MAGI1: variants seen among roughly 807,000 people sequenced by gnomAD.
The protein encoded by MAGI1 is membrane-associated guanylate kinase, WW and PDZ domain-containing protein 1.
A neutral mutation model predicts 139.9 loss-of-function variants in MAGI1; 58 were observed. The observed-to-expected ratio is 0.41, with a 90% CI of 0.34 to 0.52. MAGI1 has a LOEUF of 0.52. Ranked by LOEUF, MAGI1 falls within the 20% of genes least tolerant of loss-of-function variation. The pLI, the probability that MAGI1 is intolerant of heterozygous loss-of-function variation, is 0.12. For synonymous variants in MAGI1, 812 were observed against 737.9 expected (o/e 1.10, Z -1.63); for missense variants, 1,874 against 1,901.6 (o/e 0.99, Z 0.27).
At position 65,972,957 on chromosome 3, in the gene MAGI1, C is replaced by T. The variant is rs551203567; in HGVS notation, c.313+65039G>A. Among the ~76,000 whole-genome samples, 18 of 152,208 alleles carry T rather than the reference C, an allele frequency of 1.2e-4. No homozygotes were observed. In the East Asian group the frequency reaches 3.5e-3, roughly 29 times the overall value. ...CAACCACTTCACTAGTATACTACCT[C>T]CTGGTGGTTACCAACTACACTTTTA... On this transcript the variant is annotated intron_variant, in intron 1 of 22. Transcript: ENST00000402939.
At chr3:65,403,749 G>A (rs1224551266) in intron 12 of MAGI1, among the ~76,000 whole-genome samples, 1 of 152,176 alleles carries the variant, frequency 6.6e-6, no homozygotes, top group Non-Finnish European at 1.5e-5. Context: ...GACTCTGGCT[G>A]ATCTTCAAAT....
chr3:65,437,189 G>C lies in MAGI1; in HGVS notation c.1329C>G (p.Ser443Arg), dbSNP rs374965219. The change falls in exon 10 of 23, where the codon AGC becomes AGG. Residue 443 changes from serine to arginine, a missense_variant. Ser to Arg is a moderately radical substitution (Grantham distance 110). This residue lies in a region of MAGI1 where 648 missense variants were observed against 598.1 expected (regional missense o/e 1.08). Transcript: ENST00000402939. ...VPPVIPNHPPSNPEPAREVPL... is the reference protein window; with the variant it reads ...VPPVIPNHPPRNPEPAREVPL... ...GAACTTCTCTGGCTGGCTCTGGATT[G>C]CTTGGAGGGTGGTTTGGAATAACAG... is the stretch of plus-strand genomic sequence containing the variant. The C allele has an allele frequency of 3.7e-6, 6 of 1,611,722 alleles. No homozygotes were observed. The highest frequency in any genetic ancestry group is 2.5e-6 in the Non-Finnish European group (3 of 1,178,154).
At chr3:65,371,441 C>A (rs976667238) in intron 18 of MAGI1, among the ~76,000 whole-genome samples, 14 of 152,182 alleles carry the variant, frequency 9.2e-5, no homozygotes, top group Non-Finnish European at 1.9e-4. Context: ...ATAATGATCA[C>A]CTGAGCCTTC....
chr3:66,027,894 T>C (rs1246813814), intron 1 of MAGI1, among the ~76,000 whole-genome samples: 2 of 152,168 alleles, frequency 1.3e-5, no homozygotes, highest in African/African-American at 2.4e-5. Flanking sequence ...TCCTTAATTG[T>C]GACAACCAAA....
At chr3:65,993,554 G>A (rs2066288233) in intron 1 of MAGI1, among the ~76,000 whole-genome samples, 1 of 152,156 alleles carries the variant, frequency 6.6e-6, no homozygotes, top group Non-Finnish European at 1.5e-5. Context: ...AAGCCTCCAT[G>A]GACTGAACCC....
chr3:65,531,269 G>C (rs2078700631), intron 2 of MAGI1, among the ~76,000 whole-genome samples: 1 of 151,984 alleles, frequency 6.6e-6, no homozygotes, highest in African/African-American at 2.4e-5. Context: ...AGCTAGGGTT[G>C]TCATCTGAGC....
intron 1 of MAGI1, among the ~76,000 whole-genome samples, chr3:65,804,975 A>G (rs915443854): frequency 6.6e-6 from 1 of 152,246 alleles, no homozygotes; most frequent in African/African-American, 2.4e-5. Flanking sequence ...ACCCAAAACT[A>G]TAAAAACCCT....
chr3:65,775,482 T>C (rs1312138235), intron 1 of MAGI1, among the ~76,000 whole-genome samples: 18 of 137,826 alleles, frequency 1.3e-4, no homozygotes, highest in Non-Finnish European at 2.3e-4. Flanking sequence ...AGTGTTTTTT[T>C]CTCTTCTCAC....
intron 1 of MAGI1, among the ~76,000 whole-genome samples, chr3:65,651,399 G>A (rs1356472853): frequency 6.6e-6 from 1 of 152,156 alleles, no homozygotes; most frequent in Non-Finnish European, 1.5e-5. Flanking sequence ...CATACTCCAT[G>A]CAAGTCCAAA....
chr3:65,998,105 G>GGA (rs1553745061), intron 1 of MAGI1, among the ~76,000 whole-genome samples: 4 of 122,492 alleles, frequency 3.3e-5, no homozygotes, highest in Non-Finnish European at 6.9e-5. Flanking sequence ...TCTGTCTCGG[G>GGA]AAAAAAAAAA....
At chr3:65,638,530 C>T (rs1461209927) in intron 1 of MAGI1, among the ~76,000 whole-genome samples, 1 of 148,930 alleles carries the variant, frequency 6.7e-6, no homozygotes, top group East Asian at 2.0e-4. Context: ...GACAGAATTT[C>T]CTTCCTTCCT....
intron 1 of MAGI1, among the ~76,000 whole-genome samples, chr3:65,841,716 G>A (rs547836154): frequency 8.5e-5 from 13 of 152,136 alleles, no homozygotes; most frequent in Non-Finnish European, 1.2e-4. Flanking sequence ...ATGAGCCACC[G>A]TGCTCGGCCA....
intron 2 of MAGI1, among the ~76,000 whole-genome samples, chr3:65,519,696 T>G (rs1285078967): frequency 6.6e-6 from 1 of 152,134 alleles, no homozygotes; most frequent in Non-Finnish European, 1.5e-5. Context: ...GACTTAGATT[T>G]TAAAGAGATC....
At chr3:65,558,050 C>T (rs1047144880) in intron 2 of MAGI1, among the ~76,000 whole-genome samples, 1 of 152,154 alleles carries the variant, frequency 6.6e-6, no homozygotes, top group East Asian at 1.9e-4. Flanking sequence ...GTCCGGACTG[C>T]AGTCTCTCTA....
At chr3:65,539,117 A>G (rs2079090586) in intron 2 of MAGI1, among the ~76,000 whole-genome samples, 1 of 152,114 alleles carries the variant, frequency 6.6e-6, no homozygotes. Context: ...ACACATACCA[A>G]CTACCGTCAA....
intron 22 of MAGI1, chr3:65,359,692 A>G (rs1386670164): frequency 1.0e-6 from 1 of 987,076 alleles, no homozygotes; most frequent in African/African-American, 1.8e-5. Context: ...TGACGCATGG[A>G]GACATTACAG....
intron 1 of MAGI1, among the ~76,000 whole-genome samples, chr3:65,930,059 G>C (rs1372830507): frequency 1.3e-5 from 2 of 152,096 alleles, no homozygotes; most frequent in African/African-American, 4.8e-5. Context: ...GCTCACACCT[G>C]TAATCCCAGC....
At chr3:65,383,769 A>G (rs2106919591) in intron 14 of MAGI1, 146 bp from the exon 15 acceptor site, 2 of 672,406 alleles carry the variant, frequency 3.0e-6, no homozygotes, top group Non-Finnish European at 5.3e-6. Flanking sequence ...AAATACTCTG[A>G]ACAGGTGAAA....
chr3:65,917,102 AAG>A (rs1448159338), intron 1 of MAGI1, among the ~76,000 whole-genome samples: 1 of 152,214 alleles, frequency 6.6e-6, no homozygotes, highest in East Asian at 1.9e-4. Flanking sequence ...CTTACACATA[AAG>A]AGAGAAACAT....
Sources: allele counts gnomAD v4.1 joint callset (sites outside exome capture counted in the v4.1 genomes callset), GRCh38; gene constraint gnomAD v4.1.1; regional missense constraint gnomAD v4.1.1; transcripts MANE v1.5; gene names NCBI Gene and HGNC (gene_info 2026-07-23, HGNC 2026-07-21).